CCDC7: variants seen among roughly 807,000 people sequenced by gnomAD.
CCDC7 encodes the protein coiled-coil domain containing 7, also known as coiled-coil domain-containing protein 7.
A neutral mutation model predicts 196.9 loss-of-function variants in CCDC7; 183 were observed. The ratio of observed to expected loss-of-function variants is 0.93; its 90% CI spans 0.82 to 1.05. The LOEUF is 1.05. Ranked by LOEUF, CCDC7 falls within the 50% of genes least tolerant of loss-of-function variation. The pLI is 0.00. For missense variants in CCDC7, 1,540 were observed against 1,482.2 expected (o/e 1.04, Z -0.64); for synonymous variants, 525 against 484.6 (o/e 1.08, Z -1.10).
At chr10:32,466,552 A>G (rs1256644494) in intron 5 of CCDC7, among the ~76,000 whole-genome samples, 1 of 152,116 alleles carries the variant, frequency 6.6e-6, no homozygotes, top group Non-Finnish European at 1.5e-5. Flanking sequence ...TGCTAGTTTG[A>G]TAAGGATAAT....
chr10:32,819,473 G>A (rs369528713), intron 31 of CCDC7, among the ~76,000 whole-genome samples: 1 of 152,128 alleles, frequency 6.6e-6, no homozygotes, highest in Non-Finnish European at 1.5e-5. Flanking sequence ...TATGAGGTCA[G>A]CATCATCCTG....
downstream of CCDC7, among the ~76,000 whole-genome samples, chr10:32,880,927 G>A (rs1372843378): frequency 3.9e-5 from 6 of 152,070 alleles, no homozygotes; most frequent in Non-Finnish European, 8.8e-5. Context: ...CAACTGTTTT[G>A]GTTAAGGCTA....
chr10:32,728,321 A>G (rs2083421847), intron 26 of CCDC7, among the ~76,000 whole-genome samples: 1 of 152,292 alleles, frequency 6.6e-6, no homozygotes, highest in Middle Eastern at 3.4e-3. Flanking sequence ...TTGCTGGGAC[A>G]TAGGCTGTCT....
At chr10:32,816,066 T>C (rs1036532100) in intron 31 of CCDC7, among the ~76,000 whole-genome samples, 1 of 150,808 alleles carries the variant, frequency 6.6e-6, no homozygotes, top group Non-Finnish European at 1.5e-5. Flanking sequence ...GTGCAAGGGA[T>C]CAGGGAATTC....
chr10:32,874,657 GTATATATA>G (rs147448395), intron 41 of CCDC7, among the ~76,000 whole-genome samples: 2 of 146,486 alleles, frequency 1.4e-5, no homozygotes, highest in Non-Finnish European at 3.0e-5. Flanking sequence ...ATGTGTGTAT[GTATATATA>G]TATATACATA....
At chr10:32,740,522 G>T (rs528709383) in intron 28 of CCDC7, among the ~76,000 whole-genome samples, 22 of 152,224 alleles carry the variant, frequency 1.4e-4, no homozygotes, top group Non-Finnish European at 2.8e-4. Context: ...AAGTTCCACA[G>T]GGCCAACTAC....
At chr10:32,653,133 C>A (rs1564976431) in intron 20 of CCDC7, among the ~76,000 whole-genome samples, 1 of 152,182 alleles carries the variant, frequency 6.6e-6, no homozygotes, top group East Asian at 1.9e-4. Flanking sequence ...TTACTTCCCC[C>A]TAACCTGTAA....
chr10:32,522,719 G>A (rs2048056314), intron 11 of CCDC7, among the ~76,000 whole-genome samples: 3 of 151,884 alleles, frequency 2.0e-5, no homozygotes, highest in Admixed American at 1.3e-4. Flanking sequence ...TTGGTTTGCT[G>A]TTACTTTTCT....
intron 28 of CCDC7, among the ~76,000 whole-genome samples, chr10:32,764,716 T>G (rs980966782): frequency 1.3e-5 from 2 of 151,986 alleles, no homozygotes; most frequent in African/African-American, 4.8e-5. Flanking sequence ...CTGTGAGAAA[T>G]GTGAAGACAG....
chr10:32,461,689 ATATGTGTGTG>A (rs1300955363), intron 3 of CCDC7, among the ~76,000 whole-genome samples: 1 of 56,880 alleles, frequency 1.8e-5, no homozygotes, highest in African/African-American at 5.7e-5. Flanking sequence ...TTCCTTACAT[ATATGTGTGTG>A]TGTGTGTGTG....
intron 24 of CCDC7, among the ~76,000 whole-genome samples, chr10:32,696,169 A>G (rs999071354): frequency 9.2e-5 from 14 of 152,128 alleles, no homozygotes; most frequent in Admixed American, 3.9e-4. Context: ...CATAGACAAT[A>G]TGTCATAACA....
chr10:32,551,154 C>G (rs1176560403), intron 13 of CCDC7, among the ~76,000 whole-genome samples: 1 of 152,088 alleles, frequency 6.6e-6, no homozygotes, highest in Non-Finnish European at 1.5e-5. Flanking sequence ...AGGAATGTAT[C>G]CATCTCTTCT....
At chr10:32,819,637 C>G (rs893515332) in intron 31 of CCDC7, among the ~76,000 whole-genome samples, 1 of 152,166 alleles carries the variant, frequency 6.6e-6, no homozygotes, top group Non-Finnish European at 1.5e-5. Flanking sequence ...TGGGCTTCAT[C>G]CCTGGGATGC....
intron 16 of CCDC7, among the ~76,000 whole-genome samples, chr10:32,573,182 C>A (rs993401513): frequency 6.6e-6 from 1 of 152,074 alleles, no homozygotes; most frequent in Non-Finnish European, 1.5e-5. Flanking sequence ...CCAGCTGGTG[C>A]TCTTATATTC....
rs372927218 is a variant in CCDC7 at position 32,683,837 on chromosome 10, G to A, written c.2123-2133G>A. On this transcript the variant is annotated intron_variant, in intron 21 of 41. Coordinates refer to ENST00000639629, the Ensembl canonical transcript of CCDC7. ...GGTGGCTGCATTGAGGGCCAAGGTC[G>A]GAAGGCCCTGCTTAGTAAGGAGTAG... Among the ~76,000 whole-genome samples the A allele has an allele frequency of 4.6e-4, 70 of 152,262 alleles. No homozygotes were observed. The South Asian group carries it at 0.012, about 27-fold the overall frequency.
chr10:32,852,082 G>T, intron 40 of CCDC7, 150 bp downstream of exon 41: 1 of 735,572 alleles, frequency 1.4e-6, no homozygotes, highest in South Asian at 2.5e-5. Context: ...CCTAACATTT[G>T]TTCATTCTTA....
At chr10:32,868,918 A>G (rs1593646361) in intron 41 of CCDC7, among the ~76,000 whole-genome samples, 1 of 152,078 alleles carries the variant, frequency 6.6e-6, no homozygotes, top group African/African-American at 2.4e-5. Flanking sequence ...TTATGGCTGC[A>G]TAGTATTCCA....
At chr10:32,553,533 C>T (rs532732897) in intron 13 of CCDC7, among the ~76,000 whole-genome samples, 1 of 152,132 alleles carries the variant, frequency 6.6e-6, no homozygotes, top group East Asian at 1.9e-4. Context: ...GGTTCCTTCT[C>T]ATTTGGATAG....
Position 32,758,304 on chromosome 10 carries a change from G to T in CCDC7, c.2906-20673G>T, listed in dbSNP as rs60353501. ...CTGGCAGAGACACAACAAAAAAAGAGAATTTTAGACCAATATCCCTGATGA... is the reference window on the plus strand; with the variant it reads ...CTGGCAGAGACACAACAAAAAAAGATAATTTTAGACCAATATCCCTGATGA... On this transcript the variant is annotated intron_variant, in intron 28 of 41. Coordinates refer to ENST00000639629, the Ensembl canonical transcript of CCDC7. Among the ~76,000 whole-genome samples the T allele has an allele frequency of 5.7e-3, 871 of 152,192 alleles. 13 individuals are homozygous for T. Among genetic ancestry groups the T allele is most frequent in the African/African-American group, 0.02 (829 of 41,534 alleles).
Sources: gnomAD v4.1 joint callset for allele counts (sites outside exome capture counted in the v4.1 genomes callset) on GRCh38, gnomAD v4.1.1 for gene constraint, MANE v1.5 for transcripts, NCBI Gene and HGNC (gene_info 2026-07-23, HGNC 2026-07-21) for gene names.